CTNNA2: variants seen among roughly 807,000 people sequenced by gnomAD.
CTNNA2 encodes catenin alpha-2.
In CTNNA2, 42 loss-of-function variants were observed where a neutral mutation model predicts 101.0. The observed-to-expected ratio is 0.42, with a 90% CI of 0.32 to 0.54. CTNNA2 has a LOEUF of 0.54. Among genes scored for constraint, CTNNA2 ranks in the 20% least tolerant of loss-of-function variants. The pLI, the probability that CTNNA2 is intolerant of heterozygous loss-of-function variation, is 0.14. For missense variants in CTNNA2, 871 were observed against 1,223.1 expected (o/e 0.71, Z 4.29); for synonymous variants, 450 against 456.4 (o/e 0.99, Z 0.18).
At chr2:80,263,100 T>C (rs1672742388) in intron 7 of CTNNA2, among the ~76,000 whole-genome samples, 1 of 152,080 alleles carries the variant, frequency 6.6e-6, no homozygotes, top group Non-Finnish European at 1.5e-5. Flanking sequence ...GGGTAGGGTG[T>C]GGAGTGGGGA....
intron 4 of CTNNA2, among the ~76,000 whole-genome samples, chr2:79,382,661 T>C (rs1046241666): frequency 6.6e-6 from 1 of 152,220 alleles, no homozygotes; most frequent in African/African-American, 2.4e-5. Flanking sequence ...TCGCCCAGGC[T>C]GGAGTGCAGT....
chr2:79,965,182 G>A (rs988693691), intron 7 of CTNNA2, among the ~76,000 whole-genome samples: 5 of 152,100 alleles, frequency 3.3e-5, no homozygotes, highest in East Asian at 3.9e-4. Context: ...GTAACACATC[G>A]TGGGAGGGCA....
chr2:80,643,177 G>C (rs1361453121), intron 18 of CTNNA2, among the ~76,000 whole-genome samples: 1 of 152,170 alleles, frequency 6.6e-6, no homozygotes, highest in Non-Finnish European at 1.5e-5. Context: ...GGGAGAATGA[G>C]TGTAGCAGAT....
chr2:79,441,807 C>A (rs1046905130), intron 4 of CTNNA2, among the ~76,000 whole-genome samples: 2 of 152,104 alleles, frequency 1.3e-5, no homozygotes, highest in Admixed American at 6.6e-5. Flanking sequence ...ACATGAAAAC[C>A]GTCTCCAGCC....
chr2:79,843,281 C>T (rs949902708), intron 3 of CTNNA2, among the ~76,000 whole-genome samples: 2 of 152,172 alleles, frequency 1.3e-5, no homozygotes, highest in East Asian at 3.8e-4. Context: ...GTGTGGATAA[C>T]AAATAGATCT....
chr2:79,575,044 C>A (rs1675702658), intron 1 of CTNNA2, among the ~76,000 whole-genome samples: 2 of 152,050 alleles, frequency 1.3e-5, no homozygotes, highest in Non-Finnish European at 2.9e-5. Flanking sequence ...TGTCCTTTGC[C>A]CACTTTTTGG....
chr2:80,374,148 C>T (rs781095460), intron 7 of CTNNA2, among the ~76,000 whole-genome samples: 1 of 151,958 alleles, frequency 6.6e-6, no homozygotes, highest in African/African-American at 2.4e-5. Context: ...TGCTGAAGTT[C>T]GAGGTGCAGG....
chr2:80,219,616 A>T (rs952383237), intron 7 of CTNNA2, among the ~76,000 whole-genome samples: 2 of 152,122 alleles, frequency 1.3e-5, no homozygotes, highest in African/African-American at 4.8e-5. Context: ...TACCTGTAAC[A>T]CTGCAGAGTT....
At chr2:79,697,202 A>T (rs957814486) in intron 2 of CTNNA2, among the ~76,000 whole-genome samples, 1 of 151,992 alleles carries the variant, frequency 6.6e-6, no homozygotes, top group African/African-American at 2.4e-5. Context: ...AATCACCAAA[A>T]TGTTAAGTTT....
chr2:79,483,196 G>A (rs1671126393), intron 4 of CTNNA2, among the ~76,000 whole-genome samples: 1 of 152,188 alleles, frequency 6.6e-6, no homozygotes, highest in East Asian at 1.9e-4. Context: ...AAAGAAATAT[G>A]TTGAGCAATA....
chr2:79,878,978 A>G (rs186640914), intron 6 of CTNNA2, among the ~76,000 whole-genome samples: 209 of 152,310 alleles, frequency 1.4e-3, no homozygotes, highest in African/African-American at 7.5e-4. Flanking sequence ...TCTTTAATAC[A>G]TCTTGAGTTA....
intron 6 of CTNNA2, among the ~76,000 whole-genome samples, chr2:79,882,724 G>A (rs538608460): frequency 2.2e-4 from 34 of 152,366 alleles, no homozygotes; most frequent in Admixed American, 2.2e-3. Context: ...CAGCTGTGGT[G>A]CTGGTCACTA....
intron 4 of CTNNA2, among the ~76,000 whole-genome samples, chr2:79,444,194 A>G (rs1678806587): frequency 6.6e-6 from 1 of 152,096 alleles, no homozygotes; most frequent in African/African-American, 2.4e-5. Flanking sequence ...TGCTCCCATA[A>G]CATGATGAGA....
At chr2:80,321,858 A>G (rs991105549) in intron 7 of CTNNA2, among the ~76,000 whole-genome samples, 1 of 152,178 alleles carries the variant, frequency 6.6e-6, no homozygotes, top group Non-Finnish European at 1.5e-5. Flanking sequence ...ATGTTTTGCG[A>G]GGCTGGCTCT....
chr2:79,988,897 A>C (rs1050739579), intron 7 of CTNNA2, among the ~76,000 whole-genome samples: 3 of 152,218 alleles, frequency 2.0e-5, no homozygotes, highest in Non-Finnish European at 2.9e-5. Context: ...GAAAAAGTCT[A>C]CTGTAATTTG....
intron 2 of CTNNA2, among the ~76,000 whole-genome samples, chr2:79,658,802 A>C (rs1428851676): frequency 6.6e-6 from 1 of 152,020 alleles, no homozygotes; most frequent in African/African-American, 2.4e-5. Context: ...GAACCTCCTA[A>C]GAAGAGGAGC....
chr2:79,219,339 A>G (rs1264067374), intron 2 of CTNNA2, among the ~76,000 whole-genome samples: 1 of 152,182 alleles, frequency 6.6e-6, no homozygotes, highest in African/African-American at 2.4e-5. Context: ...CTAATTTAAA[A>G]CTTTGTGAAA....
intron 7 of CTNNA2, among the ~76,000 whole-genome samples, chr2:80,239,331 C>T (rs1157298456): frequency 6.6e-6 from 1 of 152,034 alleles, no homozygotes; most frequent in East Asian, 1.9e-4. Context: ...GGGTGATTGT[C>T]AGAAAGTCAT....
chr2:79,849,600 A>C (rs1348190677), intron 3 of CTNNA2, among the ~76,000 whole-genome samples: 1 of 152,078 alleles, frequency 6.6e-6, no homozygotes, highest in Non-Finnish European at 1.5e-5. Flanking sequence ...CATATTCTTG[A>C]TAGTTTCCAA....
Sources: gnomAD v4.1 joint callset for allele counts (sites outside exome capture counted in the v4.1 genomes callset) on GRCh38, gnomAD v4.1.1 for gene constraint, MANE v1.5 for transcripts, NCBI Gene and HGNC (gene_info 2026-07-23, HGNC 2026-07-21) for gene names.